CDYL2: variants seen among roughly 807,000 people sequenced by gnomAD.
CDYL2 encodes chromodomain Y like 2.
Under a neutral mutation model 49.4 loss-of-function variants are expected in CDYL2, and 23 were observed. That is an observed-to-expected ratio of 0.47 (90% CI 0.34 to 0.66). The LOEUF (loss-of-function observed/expected upper bound fraction) is 0.66, where lower values mean the gene tolerates loss of function less well. CDYL2 is among the 30% of genes least tolerant of loss of function. The probability of loss-of-function intolerance (pLI) is 0.01; values close to 1 mark genes in which losing one functional copy is unlikely to be tolerated. For synonymous variants in CDYL2, 360 were observed against 268.8 expected (o/e 1.34, Z -3.32); for missense variants, 678 against 656.4 (o/e 1.03, Z -0.36).
chr16:80,802,614 C>A (rs1907959752), intron 1 of CDYL2, among the ~76,000 whole-genome samples: 2 of 152,116 alleles, frequency 1.3e-5, no homozygotes, highest in South Asian at 4.1e-4. Flanking sequence ...GCAACATACA[C>A]CATTCTTTCA....
At chr16:80,627,601 T>C (rs949400982) in intron 3 of CDYL2, 3 of 152,246 alleles carry the variant, frequency 2.0e-5, no homozygotes, top group African/African-American at 7.2e-5. Context: ...TCTACCTTCT[T>C]GAAAGACCCC....
At chr16:80,731,999 G>C (rs186270481) in intron 1 of CDYL2, among the ~76,000 whole-genome samples, 5 of 151,954 alleles carry the variant, frequency 3.3e-5, no homozygotes, top group Admixed American at 3.3e-4. Context: ...AGGAAAGTCA[G>C]CACAGATTGA....
Position 80,787,130 on chromosome 16 carries a change from G to A in CDYL2, c.24+17020C>T, listed in dbSNP as rs906301712. Among the ~76,000 whole-genome samples, 6 of 152,058 alleles carry A rather than the reference G, an allele frequency of 3.9e-5. No individual in the cohort carries two copies. The East Asian group carries it at 5.8e-4, about 15-fold the overall frequency. On this transcript the variant is annotated intron_variant, in intron 1 of 6. Coordinates refer to ENST00000570137, the MANE Select transcript of CDYL2 (RefSeq NM_152342.4). The stretch of plus-strand genomic sequence containing the variant: ...CTCAGAATTACCTTTCCAAACAGTC[G>A]CTTTAAATACATTACAAGAATAGAT...
At chr16:80,738,121 G>T (rs577964099) in intron 1 of CDYL2, among the ~76,000 whole-genome samples, 1 of 152,058 alleles carries the variant, frequency 6.6e-6, no homozygotes, top group African/African-American at 2.4e-5. Flanking sequence ...GCAGTGTTTG[G>T]TTTTCTGTTT....
intron 2 of CDYL2, among the ~76,000 whole-genome samples, chr16:80,636,550 AAAC>A (rs1411984492): frequency 1.3e-5 from 2 of 152,200 alleles, no homozygotes; most frequent in Non-Finnish European, 2.9e-5. Context: ...AGAAGTCAGG[AAAC>A]AACAGGTGCT....
In CDYL2 at chr16:80,599,143, TGATATAA is replaced by T. The variant is rs1905967479; in HGVS notation, c.*5238_*5244del. ...AGCATCAGGCTAGATGTTGGATCAA[TGATATAA>T]GGTTAAGCCATAAAAACACCAGAGG... On this transcript the variant is annotated 3_prime_UTR_variant, in exon 7 of 7. Coordinates refer to ENST00000570137, the MANE Select transcript of CDYL2 (RefSeq NM_152342.4). 6.6e-6 allele frequency: 1 copy of T among 152,092 alleles called. No individual in the cohort carries two copies. Among genetic ancestry groups the T allele is most frequent in the Non-Finnish European group, 1.5e-5 (1 of 68,022 alleles). The allele number at this position is 152,092 out of a possible 1,614,324, so 9.4% of individuals were successfully genotyped here.
intron 1 of CDYL2, among the ~76,000 whole-genome samples, chr16:80,741,198 T>A (rs190706420): frequency 1.6e-3 from 247 of 150,594 alleles, no homozygotes; most frequent in African/African-American, 5.6e-3. Flanking sequence ...GATGTGTGTA[T>A]AAGAATTTTA....
At chr16:80,784,771 T>C (rs181998127) in intron 1 of CDYL2, among the ~76,000 whole-genome samples, 342 of 152,200 alleles carry the variant, frequency 2.2e-3, no homozygotes, top group Non-Finnish European at 3.7e-3. Flanking sequence ...ACAGAAACAA[T>C]TGACTGATTA....
intron 2 of CDYL2, among the ~76,000 whole-genome samples, chr16:80,679,282 A>G (rs1909879840): frequency 7.9e-6 from 1 of 125,938 alleles, no homozygotes; most frequent in Admixed American, 7.8e-5. Flanking sequence ...ATATAAATAA[A>G]TAAATAAATA....
intron 1 of CDYL2, among the ~76,000 whole-genome samples, chr16:80,798,963 A>ATT (rs1474549680): frequency 6.6e-6 from 1 of 152,114 alleles, no homozygotes; most frequent in Non-Finnish European, 1.5e-5. Context: ...TTTAAAACTC[A>ATT]TAACACAAAA....
intron 2 of CDYL2, among the ~76,000 whole-genome samples, chr16:80,654,123 G>A (rs2142424312): frequency 6.6e-6 from 1 of 152,314 alleles, no homozygotes; most frequent in Middle Eastern, 3.4e-3. Context: ...TGGTGATTTG[G>A]GGAAGAAGGG....
chr16:80,730,953 G>A (rs1905306252), intron 1 of CDYL2, among the ~76,000 whole-genome samples: 1 of 152,104 alleles, frequency 6.6e-6, no homozygotes, highest in African/African-American at 2.4e-5. Context: ...AGGGTAGGAA[G>A]GAGTGGAAAG....
At chr16:80,679,686 C>T (rs768648401) in intron 2 of CDYL2, 2 of 456,008 alleles carry the variant, frequency 4.4e-6, no homozygotes, top group Non-Finnish European at 8.8e-6. Flanking sequence ...CTTATGAATG[C>T]CAACTCCAGG....
intron 2 of CDYL2, among the ~76,000 whole-genome samples, chr16:80,655,839 C>T (rs1908785394): frequency 2.0e-5 from 3 of 152,172 alleles, no homozygotes; most frequent in Admixed American, 6.5e-5. Flanking sequence ...CAGACTCTGC[C>T]CTCTCACCGA....
intron 1 of CDYL2, among the ~76,000 whole-genome samples, chr16:80,700,705 G>A (rs902419213): frequency 1.2e-4 from 19 of 152,172 alleles, no homozygotes; most frequent in African/African-American, 4.6e-4. Context: ...TATGTAAATG[G>A]ATATACCCTT....
At chr16:80,785,949 T>C (rs890800660) in intron 1 of CDYL2, among the ~76,000 whole-genome samples, 6 of 152,176 alleles carry the variant, frequency 3.9e-5, no homozygotes, top group African/African-American at 9.7e-5. Flanking sequence ...TTACACCTTA[T>C]ACAAAAATCA....
intron 1 of CDYL2, among the ~76,000 whole-genome samples, chr16:80,781,104 C>A (rs150680809): frequency 4.5e-4 from 68 of 152,264 alleles, no homozygotes; most frequent in African/African-American, 1.4e-3. Context: ...TTCAAAATTA[C>A]TTCAATAGGC....
In CDYL2 at chr16:80,753,562, C is replaced by T. The variant is rs980719256; in HGVS notation, c.24+50588G>A. 5.3e-5 allele frequency among the ~76,000 whole-genome samples: 8 copies of T among 152,130 alleles called. 1 individual carries two copies. The highest frequency in any genetic ancestry group is 3.4e-3 in the Middle Eastern group (1 of 294). On this transcript the variant is annotated intron_variant, in intron 1 of 6. Transcript: ENST00000570137. ...GGTGAAGGTTGTGATGAGCCAAGAT[C>T]GTGCCATTGTACTACAGCCTGGGCA...
intron 2 of CDYL2, among the ~76,000 whole-genome samples, chr16:80,639,515 G>A (rs185288329): frequency 6.6e-6 from 1 of 152,054 alleles, no homozygotes; most frequent in African/African-American, 2.4e-5. Flanking sequence ...ACATTATTCA[G>A]CAATAAAAAA....
Sources: allele counts gnomAD v4.1 joint callset (sites outside exome capture counted in the v4.1 genomes callset), GRCh38; gene constraint gnomAD v4.1.1; transcripts MANE v1.5; gene names NCBI Gene and HGNC (gene_info 2026-07-23, HGNC 2026-07-21).